Variants in TRIM9 observed in about 807,000 individuals in gnomAD.
TRIM9 encodes the protein E3 ubiquitin-protein ligase TRIM9.
In TRIM9, 26 loss-of-function variants were observed where a neutral mutation model predicts 78.3. The ratio of observed to expected loss-of-function variants is 0.33; its 90% CI spans 0.24 to 0.46. The LOEUF is 0.46. Ranked by LOEUF, TRIM9 falls within the 20% of genes least tolerant of loss-of-function variation. The pLI is 1.00. For missense variants in TRIM9, 787 were observed against 1,036.4 expected (o/e 0.76, Z 3.30); for synonymous variants, 398 against 416.5 (o/e 0.96, Z 0.54).
chr14:51,088,500 G>T (rs952230617), intron 1 of TRIM9, among the ~76,000 whole-genome samples: 1 of 152,166 alleles, frequency 6.6e-6, no homozygotes. Flanking sequence ...AAGAATTGTG[G>T]AGTGCTCATA....
chr14:50,977,418 C>T (rs1596076226), intron 12 of TRIM9, 65 bp from the exon 13 acceptor site: 2 of 1,269,250 alleles, frequency 1.6e-6, no homozygotes, highest in South Asian at 2.1e-5. Flanking sequence ...ACACAGTGTA[C>T]CGTGGGTGTG....
chr14:51,027,630 TG>T (rs1317161222), intron 1 of TRIM9, among the ~76,000 whole-genome samples: 1 of 152,182 alleles, frequency 6.6e-6, no homozygotes, highest in Non-Finnish European at 1.5e-5. Context: ...AAGCTCAAAG[TG>T]AGCCTACAGT....
chr14:51,093,933 C>T (rs1160089493), intron 1 of TRIM9, among the ~76,000 whole-genome samples, 185 bp downstream of exon 1: 1 of 152,254 alleles, frequency 6.6e-6, no homozygotes, highest in African/African-American at 2.4e-5. Flanking sequence ...CATTCAACTC[C>T]CCCGTGCGCC....
intron 1 of TRIM9, among the ~76,000 whole-genome samples, chr14:51,067,402 C>T (rs2061841416): frequency 6.6e-6 from 1 of 152,208 alleles, no homozygotes; most frequent in African/African-American, 2.4e-5. Flanking sequence ...CTTGCCCTGA[C>T]AGCCAGAGTA....
At position 50,986,093 on chromosome 14, in the gene TRIM9, A is replaced by C; in HGVS notation, c.1655T>G (p.Leu552Trp). ...TLPFPVPSER[L>W]PLRRMSPFSS... The stretch of plus-strand genomic sequence containing the variant: ...GAAAGGACTCATTCTACGGAGCGGC[A>C]ATCTTTCCGAAGGCACTGGAAAAGG... Residue 552 changes from leucine to tryptophan, a missense_variant, in exon 8 of 13, where the codon TTG becomes TGG. By Grantham distance (61) the Leu-to-Trp change is moderately conservative. Coordinates refer to ENST00000684578, the MANE Select transcript of TRIM9 (RefSeq NM_001387360.1). 3 of 1,546,526 alleles carry C rather than the reference A, an allele frequency of 1.9e-6. No individual in the cohort carries two copies. The highest frequency in any genetic ancestry group is 2.6e-6 in the Non-Finnish European group (3 of 1,144,814).
intron 1 of TRIM9, among the ~76,000 whole-genome samples, chr14:51,038,204 T>C (rs1427319706): frequency 6.6e-6 from 1 of 152,080 alleles, no homozygotes; most frequent in Non-Finnish European, 1.5e-5. Flanking sequence ...CCAAGGGAGA[T>C]GTGATGACAG....
At chr14:50,979,995 A>C (rs936804431) in intron 11 of TRIM9, among the ~76,000 whole-genome samples, 5 of 152,238 alleles carry the variant, frequency 3.3e-5, no homozygotes, top group African/African-American at 7.2e-5. Context: ...AATGGTGTGA[A>C]TTAAATATCA....
At chr14:51,009,777 G>A (rs2056328197) in intron 4 of TRIM9, among the ~76,000 whole-genome samples, 1 of 152,102 alleles carries the variant, frequency 6.6e-6, no homozygotes, top group Non-Finnish European at 1.5e-5. Flanking sequence ...GTCACTCTTA[G>A]CCAGTTTAGT....
chr14:51,031,147 C>CAAAAAAAAAAAAAAAA (rs1210514761), intron 1 of TRIM9, among the ~76,000 whole-genome samples: 8 of 100,708 alleles, frequency 7.9e-5, no homozygotes, highest in South Asian at 3.9e-4. Flanking sequence ...AAACTCTTTC[C>CAAAAAAAAAAAAAAAA]AAAAAAAAAA....
At chr14:51,026,466 C>T (rs192336359) in intron 1 of TRIM9, among the ~76,000 whole-genome samples, 6 of 152,160 alleles carry the variant, frequency 3.9e-5, no homozygotes, top group Admixed American at 1.3e-4. Flanking sequence ...ATACAAATTC[C>T]TTCCCCTCCT....
chr14:51,057,906 C>T (rs1280242994), intron 1 of TRIM9, among the ~76,000 whole-genome samples: 1 of 152,174 alleles, frequency 6.6e-6, no homozygotes, highest in Non-Finnish European at 1.5e-5. Flanking sequence ...CACTAAAGAT[C>T]AGTTAAAGAC....
chr14:51,079,279 A>G (rs1016035895), intron 1 of TRIM9, among the ~76,000 whole-genome samples: 1 of 152,228 alleles, frequency 6.6e-6, no homozygotes, highest in African/African-American at 2.4e-5. Context: ...TAATTGGCCA[A>G]TCTTTGGCTA....
intron 1 of TRIM9, among the ~76,000 whole-genome samples, chr14:51,079,492 C>T (rs1198459856): frequency 3.6e-5 from 3 of 83,418 alleles, no homozygotes; most frequent in Non-Finnish European, 2.3e-5. Context: ...CATTTTATGG[C>T]ATGTTTCAAA....
At chr14:51,005,063 C>G (rs532520253) in intron 5 of TRIM9, among the ~76,000 whole-genome samples, 1 of 152,154 alleles carries the variant, frequency 6.6e-6, no homozygotes, top group South Asian at 2.1e-4. Flanking sequence ...TAGACTTTAG[C>G]AGAACTACAA....
chr14:51,055,596 G>C (rs1474286767), intron 1 of TRIM9, among the ~76,000 whole-genome samples: 1 of 152,222 alleles, frequency 6.6e-6, no homozygotes, highest in Non-Finnish European at 1.5e-5. Context: ...TTTGAGGATG[G>C]AGGAAGAGGC....
intron 6 of TRIM9, 147 bp downstream of exon 6, chr14:51,000,536 G>C: frequency 1.9e-6 from 2 of 1,047,214 alleles, no homozygotes; most frequent in South Asian, 1.6e-5. Flanking sequence ...GAGGGAGAAA[G>C]CAGGCTTCAG....
At chr14:51,012,971 T>C (rs1953882) in intron 3 of TRIM9, among the ~76,000 whole-genome samples, 52,595 of 152,108 alleles carry the variant, frequency 0.35, 9,665 homozygotes, top group South Asian at 0.58. Context: ...GATTTTCAAA[T>C]ATTTCATACT....
chr14:51,085,651 AT>A (rs2063683466), intron 1 of TRIM9, among the ~76,000 whole-genome samples: 6 of 152,258 alleles, frequency 3.9e-5, no homozygotes, highest in Admixed American at 3.9e-4. Context: ...GTTTTCAAAA[AT>A]GGACTTATAA....
chr14:51,032,757 G>T (rs1274241262), intron 1 of TRIM9, among the ~76,000 whole-genome samples: 4 of 152,160 alleles, frequency 2.6e-5, no homozygotes, highest in African/African-American at 9.7e-5. Flanking sequence ...TACATCCTAG[G>T]ACTACCATGA....
Sources: allele counts gnomAD v4.1 joint callset (sites outside exome capture counted in the v4.1 genomes callset), GRCh38; gene constraint gnomAD v4.1.1; transcripts MANE v1.5; gene names NCBI Gene and HGNC (gene_info 2026-07-23, HGNC 2026-07-21).